The following WDR70 variants were observed in gnomAD, a reference collection of about 807,000 sequenced individuals.
The protein encoded by WDR70 is WD repeat domain 70.
A neutral mutation model predicts 88.6 loss-of-function variants in WDR70; 53 were observed. The ratio of observed to expected loss-of-function variants is 0.60; its 90% CI spans 0.48 to 0.75. WDR70 has a LOEUF of 0.75. Among genes scored for constraint, WDR70 ranks in the 30% least tolerant of loss-of-function variants. The pLI is 0.00. For missense variants in WDR70, 610 were observed against 823.2 expected, an observed-to-expected ratio of 0.74 and a Z score of 3.17; for synonymous variants, 280 against 270.0, an observed-to-expected ratio of 1.04 and a Z score of -0.36.
chr5:37,639,591 C>A (rs2112539443), intron 10 of WDR70, among the ~76,000 whole-genome samples: 1 of 152,048 alleles, frequency 6.6e-6, no homozygotes, highest in East Asian at 1.9e-4. Context: ...ACAATTCTGC[C>A]CATGGCTCTG....
At chr5:37,694,649 G>A (rs1414906465) in intron 10 of WDR70, among the ~76,000 whole-genome samples, 3 of 151,812 alleles carry the variant, frequency 2.0e-5, no homozygotes, top group Non-Finnish European at 4.4e-5. Flanking sequence ...CGAACAATGA[G>A]AACATGTAGA....
intron 8 of WDR70, among the ~76,000 whole-genome samples, chr5:37,498,498 A>G (rs541214297): frequency 6.6e-6 from 1 of 152,324 alleles, no homozygotes; most frequent in East Asian, 1.9e-4. Context: ...CACTAATTAC[A>G]TACAAATTTA....
At chr5:37,714,085 A>C (rs1399346050) in intron 13 of WDR70, among the ~76,000 whole-genome samples, 2 of 152,220 alleles carry the variant, frequency 1.3e-5, no homozygotes, top group Admixed American at 1.3e-4. Context: ...ATGATATTTA[A>C]AACATCTTTA....
At chr5:37,519,271 G>A (rs993416596) in intron 9 of WDR70, among the ~76,000 whole-genome samples, 2 of 152,070 alleles carry the variant, frequency 1.3e-5, no homozygotes, top group Non-Finnish European at 2.9e-5. Context: ...CCCAGACGGG[G>A]TGGCTGGGCA....
Position 37,699,331 on chromosome 5 carries a change from TACACACAC to T in WDR70, c.1192+1599_1192+1606del, listed in dbSNP as rs67566263. On this transcript the variant is annotated intron_variant, in intron 11 of 17. Coordinates refer to ENST00000265107, the MANE Select transcript of WDR70 (RefSeq NM_018034.4). ...ATAATTCTTACTTTCCTTTCCATCATACACACACACACACACACACACACACACAGTGT... is the reference window on the plus strand; with the variant it reads ...ATAATTCTTACTTTCCTTTCCATCATACACACACACACACACACACAGTGT... Among the ~76,000 whole-genome samples, 57 of 141,638 alleles carry T rather than the reference TACACACAC, an allele frequency of 4.0e-4. 1 individual carries two copies. The highest frequency in any genetic ancestry group is 2.8e-3 in the South Asian group (12 of 4,310). The allele number at this position is 141,638 out of a possible 152,430, so 92.9% of individuals were successfully genotyped here. A position where few individuals can be genotyped will look rare whatever the true frequency, so the allele number is the denominator to read the frequency against.
At chr5:37,520,708 G>A (rs2112272839) in intron 9 of WDR70, among the ~76,000 whole-genome samples, 1 of 152,180 alleles carries the variant, frequency 6.6e-6, no homozygotes, top group South Asian at 2.1e-4. Flanking sequence ...TGATAAAGTG[G>A]ACATTTGATA....
intron 7 of WDR70, among the ~76,000 whole-genome samples, chr5:37,463,785 A>G (rs1266036219): frequency 3.3e-5 from 5 of 152,198 alleles, no homozygotes; most frequent in Admixed American, 2.6e-4. Flanking sequence ...TCTCCTTAGT[A>G]CTGTGTCTAA....
chr5:37,634,225 G>A (rs1403027254), intron 10 of WDR70, among the ~76,000 whole-genome samples: 1 of 151,472 alleles, frequency 6.6e-6, no homozygotes, highest in Non-Finnish European at 1.5e-5. Context: ...TGTGAACCCA[G>A]GTGGCGGAGC....
chr5:37,404,299 A>G (rs182478170), intron 5 of WDR70, among the ~76,000 whole-genome samples: 6 of 152,266 alleles, frequency 3.9e-5, no homozygotes, highest in African/African-American at 1.4e-4. Context: ...TTATGATCTG[A>G]GTCATGTCTC....
intron 10 of WDR70, among the ~76,000 whole-genome samples, chr5:37,606,800 G>T (rs1744040541): frequency 6.6e-6 from 1 of 151,070 alleles, no homozygotes; most frequent in Non-Finnish European, 1.5e-5. Context: ...GTGTCAACTG[G>T]AAACAAATCA....
intron 8 of WDR70, among the ~76,000 whole-genome samples, chr5:37,500,803 G>A (rs1190120978): frequency 1.6e-4 from 20 of 128,054 alleles, no homozygotes; most frequent in East Asian, 2.7e-4. Flanking sequence ...TCAGCTCACC[G>A]CAGCCTCTGC....
At chr5:37,391,466 T>C (rs940858277) in intron 3 of WDR70, among the ~76,000 whole-genome samples, 2 of 152,202 alleles carry the variant, frequency 1.3e-5, no homozygotes, top group African/African-American at 4.8e-5. Context: ...TGTCTCTGAC[T>C]TTGACTACTC....
intron 10 of WDR70, among the ~76,000 whole-genome samples, chr5:37,680,841 A>T (rs1051935231): frequency 6.6e-6 from 1 of 152,146 alleles, no homozygotes; most frequent in Admixed American, 6.5e-5. Context: ...TGATGCATCC[A>T]GCTTTGTTCT....
intron 13 of WDR70, among the ~76,000 whole-genome samples, chr5:37,711,221 T>G (rs989734219): frequency 6.6e-6 from 1 of 152,202 alleles, no homozygotes; most frequent in Non-Finnish European, 1.5e-5. Context: ...TCCCTTGACA[T>G]AACTGTGCCA....
At chr5:37,517,614 G>A (rs1386467474) in intron 9 of WDR70, among the ~76,000 whole-genome samples, 2 of 151,832 alleles carry the variant, frequency 1.3e-5, no homozygotes, top group African/African-American at 4.8e-5. Context: ...TGATCCACCT[G>A]CCTCGGCCTC....
At chr5:37,551,615 C>G (rs1742147097) in intron 9 of WDR70, among the ~76,000 whole-genome samples, 3 of 151,150 alleles carry the variant, frequency 2.0e-5, no homozygotes, top group Non-Finnish European at 2.9e-5. Flanking sequence ...TTAGTCCTAG[C>G]TACTTGGGAG....
At chr5:37,521,666 T>C (rs2112275448) in intron 9 of WDR70, among the ~76,000 whole-genome samples, 1 of 151,716 alleles carries the variant, frequency 6.6e-6, no homozygotes, top group South Asian at 2.1e-4. Context: ...AATGCAATTA[T>C]TTTGTTCCTT....
At chr5:37,726,206 G>A (rs1747965997) in intron 16 of WDR70, among the ~76,000 whole-genome samples, 1 of 152,128 alleles carries the variant, frequency 6.6e-6, no homozygotes, top group Non-Finnish European at 1.5e-5. Context: ...TTATCTCACA[G>A]TTAATTATTT....
At chr5:37,557,938 G>GAAAACTCTTCAA (rs1742346482) in intron 9 of WDR70, among the ~76,000 whole-genome samples, 1 of 151,236 alleles carries the variant, frequency 6.6e-6, no homozygotes, top group African/African-American at 2.4e-5. Flanking sequence ...GTACTCTTTT[G>GAAAACTCTTCAA]AATACTCTTC....
Sources: allele counts gnomAD v4.1 joint callset (sites outside exome capture counted in the v4.1 genomes callset), GRCh38; gene constraint gnomAD v4.1.1; transcripts MANE v1.5; gene names NCBI Gene and HGNC (gene_info 2026-07-23, HGNC 2026-07-21).